Variants in DEFB119 observed in about 807,000 individuals in gnomAD.
The protein encoded by DEFB119 is beta-defensin 119.
A neutral mutation model predicts 2.5 loss-of-function variants in DEFB119; 3 were observed. The observed-to-expected ratio is 1.19, with a 90% CI of 0.54 to 3.07. DEFB119 has a LOEUF of 3.07. Ranked by LOEUF, DEFB119 falls within the 30% of genes most tolerant of loss-of-function variation. The probability of loss-of-function intolerance (pLI) is 0.03; values close to 1 mark genes in which losing one functional copy is unlikely to be tolerated. For missense variants in DEFB119, 113 were observed against 101.1 expected (o/e 1.12, Z -0.50); for synonymous variants, 29 against 33.7 (o/e 0.86, Z 0.48).
intron 1 of DEFB119, 143 bp downstream of exon 1, chr20:31,390,280 A>G: frequency 1.3e-6 from 1 of 796,526 alleles, no homozygotes; most frequent in Non-Finnish European, 2.1e-6. Flanking sequence ...AGAGAGAGAT[A>G]TTAACTTGAG....
At chr20:31,387,625 C>A (rs1027443688) in intron 1 of DEFB119, among the ~76,000 whole-genome samples, 2 of 152,210 alleles carry the variant, frequency 1.3e-5, no homozygotes, top group African/African-American at 2.4e-5. Context: ...GCTCTGCCCA[C>A]AGACCCTGCA....
chr20:31,386,721 G>A (rs1288749358), intron 1 of DEFB119, among the ~76,000 whole-genome samples: 1 of 151,992 alleles, frequency 6.6e-6, no homozygotes, highest in African/African-American at 2.4e-5. Context: ...CAGCTAGATA[G>A]GAGGAATAAG....
intron 1 of DEFB119, among the ~76,000 whole-genome samples, chr20:31,382,208 G>T (rs1157377365): frequency 1.3e-5 from 2 of 152,128 alleles, no homozygotes; most frequent in African/African-American, 4.8e-5. Context: ...CCTCTCTCTT[G>T]TAACTTCCTG....
chr20:31,385,227 C>G (rs1986648417), intron 1 of DEFB119, among the ~76,000 whole-genome samples: 1 of 152,150 alleles, frequency 6.6e-6, no homozygotes, highest in South Asian at 2.1e-4. Flanking sequence ...TACTCCAGAT[C>G]TCTACTCAGG....
chr20:31,383,181 A>G (rs1050882933), intron 1 of DEFB119, among the ~76,000 whole-genome samples: 1 of 152,100 alleles, frequency 6.6e-6, no homozygotes, highest in African/African-American at 2.4e-5. Context: ...CATGGGAGGG[A>G]CCCAGTGGGA....
rs1600520631 is a variant in DEFB119 at position 31,390,506 on chromosome 20, A to G, written c.-23T>C. On this transcript the variant is annotated 5_prime_UTR_variant, in exon 1 of 2. Transcript: ENST00000376321. ...CATGGCTGGCAGACCTGAGAGGAGG[A>G]GGTGGCTGAGCTGCAGGGGAAGGAA... 6.2e-7 allele frequency: 1 copy of G among 1,611,642 alleles called. No homozygotes were observed. Among genetic ancestry groups the G allele is most frequent in the Middle Eastern group, 1.7e-4 (1 of 5,818 alleles).
chr20:31,383,607 G>A (rs939103778), intron 1 of DEFB119, among the ~76,000 whole-genome samples: 6 of 151,050 alleles, frequency 4.0e-5, no homozygotes, highest in South Asian at 2.1e-4. Flanking sequence ...AGGCCGAGGC[G>A]GGCAGATCAA....
intron 1 of DEFB119, among the ~76,000 whole-genome samples, chr20:31,378,884 C>A (rs1394787643): frequency 2.0e-5 from 3 of 150,960 alleles, no homozygotes; most frequent in Non-Finnish European, 2.9e-5. Context: ...ACTGTTGCTT[C>A]TAGCAATAAT....
intron 1 of DEFB119, among the ~76,000 whole-genome samples, chr20:31,387,646 T>C (rs1380691683): frequency 6.6e-6 from 1 of 152,114 alleles, no homozygotes; most frequent in African/African-American, 2.4e-5. Flanking sequence ...AACAAGAGCA[T>C]CCCTTGATGC....
At chr20:31,377,650 A>ATGTG (rs151207116) in intron 1 of DEFB119, among the ~76,000 whole-genome samples, 41 of 150,852 alleles carry the variant, frequency 2.7e-4, no homozygotes, top group Admixed American at 5.3e-4. Flanking sequence ...GTGTGTGTAT[A>ATGTG]TGTGTGTGTG....
chr20:31,383,144 A>G (rs1248690528), intron 1 of DEFB119, among the ~76,000 whole-genome samples: 1 of 152,218 alleles, frequency 6.6e-6, no homozygotes. Context: ...CTCGTCTTAA[A>G]TTGTAGCTCC....
intron 1 of DEFB119, among the ~76,000 whole-genome samples, chr20:31,389,918 C>A (rs1253916925): frequency 6.6e-6 from 1 of 152,052 alleles, no homozygotes; most frequent in Admixed American, 6.6e-5. Flanking sequence ...CAGCATCCAG[C>A]ACCGACTCCC....
At chr20:31,378,224 C>A in intron 1 of DEFB119, 1 of 1,435,510 alleles carries the variant, frequency 7.0e-7, no homozygotes, top group Non-Finnish European at 9.7e-7. Context: ...AAGACTTTCA[C>A]CACCACACAG....
At chr20:31,387,118 T>A (rs962359901) in intron 1 of DEFB119, among the ~76,000 whole-genome samples, 2 of 152,156 alleles carry the variant, frequency 1.3e-5, no homozygotes, top group African/African-American at 4.8e-5. Flanking sequence ...ATTGTGTATT[T>A]TCAGTTAGCT....
intron 1 of DEFB119, among the ~76,000 whole-genome samples, chr20:31,385,810 C>G (rs964213183): frequency 6.6e-6 from 1 of 151,574 alleles, no homozygotes; most frequent in Non-Finnish European, 1.5e-5. Context: ...GGTTAGGCTA[C>G]AGTGAGCCAT....
intron 1 of DEFB119, among the ~76,000 whole-genome samples, chr20:31,387,393 G>A (rs1986747608): frequency 2.6e-5 from 4 of 152,198 alleles, no homozygotes. Flanking sequence ...GAAGGCTACT[G>A]TGTCATGTCC....
Position 31,390,551 on chromosome 20 carries a change from G to A in DEFB119, c.-68C>T, listed in dbSNP as rs770660983. ...AAGGAAATAGGGTTCCCTGCAGCACGGCAGAGATGAGCTTTGCTTTTATCA... is the reference window on the plus strand; with the variant it reads ...AAGGAAATAGGGTTCCCTGCAGCACAGCAGAGATGAGCTTTGCTTTTATCA... On this transcript the variant is annotated 5_prime_UTR_variant, in exon 1 of 2. Transcript: ENST00000376321. 38 of 1,469,504 alleles carry A rather than the reference G, an allele frequency of 2.6e-5. No homozygotes were observed. The highest frequency in any genetic ancestry group is 3.4e-5 in the Non-Finnish European group (36 of 1,059,270). The allele number at this position is 1,469,504 out of a possible 1,614,324, so 91.0% of individuals were successfully genotyped here.
chr20:31,388,332 A>T (rs763104330), intron 1 of DEFB119: 25 of 984,434 alleles, frequency 2.5e-5, no homozygotes, highest in Non-Finnish European at 3.0e-5. Flanking sequence ...CCTTTGCATT[A>T]TTATGTCATT....
chr20:31,384,091 T>G (rs1205326850), intron 1 of DEFB119, among the ~76,000 whole-genome samples: 1 of 152,134 alleles, frequency 6.6e-6, no homozygotes, highest in African/African-American at 2.4e-5. Flanking sequence ...ATACAATAGA[T>G]AAGGATACAT....
Sources: gnomAD v4.1 joint callset for allele counts (sites outside exome capture counted in the v4.1 genomes callset) on GRCh38, gnomAD v4.1.1 for gene constraint, MANE v1.5 for transcripts, NCBI Gene and HGNC (gene_info 2026-07-23, HGNC 2026-07-21) for gene names.